The following ZFP64 variants were observed in gnomAD, a reference collection of about 807,000 sequenced individuals.
The protein encoded by ZFP64 is ZFP64 zinc finger protein.
A neutral mutation model predicts 51.6 loss-of-function variants in ZFP64; 14 were observed. That is an observed-to-expected ratio of 0.27 (90% confidence interval 0.18 to 0.42). The LOEUF is 0.42. Ranked by LOEUF, ZFP64 falls within the 10% of genes least tolerant of loss-of-function variation. The probability of loss-of-function intolerance (pLI) is 1.00; values close to 1 mark genes in which losing one functional copy is unlikely to be tolerated. For missense variants in ZFP64, 754 were observed against 906.8 expected (o/e 0.83, Z 2.16); for synonymous variants, 375 against 361.4 (o/e 1.04, Z -0.43).
At chr20:52,086,680 G>T (rs539812542) in intron 8 of ZFP64, among the ~76,000 whole-genome samples, 11 of 152,058 alleles carry the variant, frequency 7.2e-5, no homozygotes, top group Admixed American at 2.6e-4. Context: ...GGGTTTCACC[G>T]TGTTAGCCAG....
At chr20:52,090,443 A>G (rs2078910843) in intron 7 of ZFP64, among the ~76,000 whole-genome samples, 1 of 152,210 alleles carries the variant, frequency 6.6e-6, no homozygotes, top group African/African-American at 2.4e-5. Context: ...AGATGGCAAT[A>G]TGAGAAAATA....
Position 52,101,614 on chromosome 20 carries a change from C to T in ZFP64, c.764-3027G>A, listed in dbSNP as rs1049293425. ...ATAGAGACAGGGTTTTGCCATGTTGCCCATGCTGGTCTCAAACTCCTGAGC... is the reference window on the plus strand; with the variant it reads ...ATAGAGACAGGGTTTTGCCATGTTGTCCATGCTGGTCTCAAACTCCTGAGC... On this transcript the variant is annotated intron_variant, in intron 5 of 8. Coordinates refer to the ZFP64 transcript ENST00000361387. Among the ~76,000 whole-genome samples, 5 of 152,050 alleles carry T rather than the reference C, an allele frequency of 3.3e-5. No individual in the cohort carries two copies. The East Asian group carries it at 7.8e-4, about 24-fold the overall frequency.
chr20:52,084,072 AG>A (rs986202647), exon 9 of ZFP64: 1 of 153,830 alleles, frequency 6.5e-6, no homozygotes, highest in African/African-American at 2.4e-5. Flanking sequence ...CAAACATATA[AG>A]GCAAACACTC....
In ZFP64 at chr20:52,152,251, G is replaced by C. The variant is rs896206865; in HGVS notation, c.1941C>G (p.Val647=). The part of the protein sequence containing the change: ...NIAVATTAPP[V]FSSSSQQELP... ...GTTCTTGCTGGGAAGAGGAGGAGAA[G>C]ACCGGTGGCGCTGTGGTGGCCACTG... Residue 647 remains valine, a synonymous_variant, in exon 6 of 6, where the codon GTC becomes GTG. Transcript: ENST00000216923. 2 of 1,614,196 alleles carry C rather than the reference G, an allele frequency of 1.2e-6. No homozygotes were observed. Among genetic ancestry groups the C allele is most frequent in the Non-Finnish European group, 1.7e-6 (2 of 1,180,040 alleles).
Position 52,084,844 on chromosome 20 carries a change from T to C in ZFP64, c.1651A>G (p.Lys551Glu), listed in dbSNP as rs748201130. The change falls in exon 9 of 9, where the codon AAG (lysine) becomes GAG (glutamate). Residue 551 changes from lysine to glutamate, a missense_variant. By Grantham distance (56) the Lys-to-Glu change is moderately conservative. Coordinates refer to the ZFP64 transcript ENST00000361387. ...CCCAGAGGGGCCCGGTTCTCCGTCT[T>C]GGCCTCGTCCCTGTGCACCTTGTCG... 2.5e-6 allele frequency: 4 copies of C among 1,613,990 alleles called. No homozygotes were observed. In the East Asian group the frequency reaches 6.7e-5, roughly 27 times the overall value.
In ZFP64 at chr20:52,143,010, G is replaced by T; in HGVS notation, c.763+17113C>A. 1.4e-5 allele frequency among the ~76,000 whole-genome samples: 2 copies of T among 142,330 alleles called. 1 individual carries two copies. The highest frequency in any genetic ancestry group is 3.1e-5 in the Non-Finnish European group (2 of 64,156). The allele number at this position is 142,330 out of a possible 152,430, so 93.4% of individuals were successfully genotyped here. ...AAGACCCTTTATCAGCAAAATGACTGCAACTTGCTGAAGGCTCATATGATT... is the reference window on the plus strand; with the variant it reads ...AAGACCCTTTATCAGCAAAATGACTTCAACTTGCTGAAGGCTCATATGATT... On this transcript the variant is annotated intron_variant, in intron 5 of 8. Coordinates refer to the ZFP64 transcript ENST00000361387.
intron 5 of ZFP64, among the ~76,000 whole-genome samples, chr20:52,158,193 G>A (rs1022402876): frequency 5.3e-5 from 8 of 152,106 alleles, no homozygotes; most frequent in Non-Finnish European, 1.2e-4. Flanking sequence ...TTGGCTTTTT[G>A]TTTTACACTG....
At chr20:52,112,339 A>T (rs1978639251) in intron 5 of ZFP64, among the ~76,000 whole-genome samples, 1 of 152,202 alleles carries the variant, frequency 6.6e-6, no homozygotes, top group African/African-American at 2.4e-5. Context: ...TATCTATGAA[A>T]GTAGCACTCA....
At chr20:52,088,702 T>G in intron 7 of ZFP64, 1 of 1,608,812 alleles carries the variant, frequency 6.2e-7, no homozygotes, top group Admixed American at 1.7e-5. Context: ...CTACAAAGAT[T>G]TGACCAAGAT....
intron 5 of ZFP64, among the ~76,000 whole-genome samples, chr20:52,116,446 CTTTT>C (rs1167376554): frequency 2.2e-5 from 2 of 91,512 alleles, no homozygotes; most frequent in East Asian, 2.2e-4. Context: ...ATATTTCTTT[CTTTT>C]TTTTTTTTTT....
chr20:52,092,485 A>G (rs2078938782), intron 7 of ZFP64, among the ~76,000 whole-genome samples: 1 of 152,238 alleles, frequency 6.6e-6, no homozygotes, highest in Non-Finnish European at 1.5e-5. Context: ...TTTATACCCC[A>G]ATAAATTTAG....
chr20:52,115,806 T>A (rs1181863459), intron 5 of ZFP64, among the ~76,000 whole-genome samples: 1 of 96,908 alleles, frequency 1.0e-5, no homozygotes, highest in Non-Finnish European at 2.5e-5. Flanking sequence ...TCTCTCTCTG[T>A]GTGTGTGAAC....
chr20:52,113,396 T>C (rs1202721167), intron 5 of ZFP64, among the ~76,000 whole-genome samples: 1 of 150,480 alleles, frequency 6.6e-6, no homozygotes, highest in Non-Finnish European at 1.5e-5. Flanking sequence ...TTATTGATCA[T>C]TACCCTTGTA....
At chr20:52,175,854 C>T in intron 2 of ZFP64, 1 of 217,334 alleles carries the variant, frequency 4.6e-6, no homozygotes, top group Non-Finnish European at 7.7e-6. Context: ...CCCCCCGCAC[C>T]CCCGCTGCCG....
chr20:52,110,956 T>C, intron 5 of ZFP64: 2 of 1,545,480 alleles, frequency 1.3e-6, no homozygotes, highest in Non-Finnish European at 1.8e-6. Context: ...GGTGTTGAAC[T>C]TCACCAAGAC....
At chr20:52,179,874 A>G (rs1440075705) in intron 2 of ZFP64, among the ~76,000 whole-genome samples, 1 of 152,228 alleles carries the variant, frequency 6.6e-6, no homozygotes, top group African/African-American at 2.4e-5. Context: ...TTGTTATTTT[A>G]AAAAATATTA....
chr20:52,089,059 C>T (rs780114285), intron 7 of ZFP64: 1 of 519,464 alleles, frequency 1.9e-6, no homozygotes, highest in Admixed American at 1.9e-5. Context: ...GGCTGTTGGT[C>T]AAAGGGTGCT....
At chr20:52,181,680 C>A (rs1192090165) in intron 2 of ZFP64, among the ~76,000 whole-genome samples, 1 of 152,162 alleles carries the variant, frequency 6.6e-6, no homozygotes, top group African/African-American at 2.4e-5. Flanking sequence ...AATTCTCCAA[C>A]CTGGCTGAGA....
chr20:52,101,684 C>A (rs1414398747), intron 5 of ZFP64, among the ~76,000 whole-genome samples: 1 of 152,020 alleles, frequency 6.6e-6, no homozygotes, highest in African/African-American at 2.4e-5. Flanking sequence ...GCTGGGATTA[C>A]AGGCATGAGC....
Sources: gnomAD v4.1 joint callset for allele counts (sites outside exome capture counted in the v4.1 genomes callset) on GRCh38, gnomAD v4.1.1 for gene constraint, MANE v1.5 for transcripts, NCBI Gene and HGNC (gene_info 2026-07-23, HGNC 2026-07-21) for gene names.